SRRM4: variants seen among roughly 807,000 people sequenced by gnomAD.
The protein encoded by SRRM4 is serine/arginine repetitive matrix 4, also known as serine/arginine repetitive matrix protein 4.
A neutral mutation model predicts 68.9 loss-of-function variants in SRRM4; 33 were observed. The ratio of observed to expected loss-of-function variants is 0.48; its 90% CI spans 0.36 to 0.64. The LOEUF is 0.64. Among genes scored for constraint, SRRM4 ranks in the 30% least tolerant of loss-of-function variants. The pLI, the probability that SRRM4 is intolerant of heterozygous loss-of-function variation, is 0.00. For synonymous variants in SRRM4, 318 were observed against 318.8 expected (o/e 1.00, Z 0.03); for missense variants, 817 against 827.1 (o/e 0.99, Z 0.15).
chr12:118,982,037 G>C (rs1412440390), intron 1 of SRRM4, 24 bp downstream of exon 1: 1 of 1,595,584 alleles, frequency 6.3e-7, no homozygotes, highest in Non-Finnish European at 8.5e-7. Flanking sequence ...TCTTAGAAGG[G>C]GGGATCCTGA....
intron 1 of SRRM4, among the ~76,000 whole-genome samples, chr12:118,984,640 T>C (rs1209589272): frequency 6.6e-6 from 1 of 152,232 alleles, no homozygotes; most frequent in Admixed American, 6.5e-5. Flanking sequence ...TTCAATTCAT[T>C]GATTTCATAG....
chr12:118,986,700 G>A (rs1273659014), intron 1 of SRRM4, among the ~76,000 whole-genome samples: 1 of 152,098 alleles, frequency 6.6e-6, no homozygotes, highest in African/African-American at 2.4e-5. Context: ...TAGCCAGTAT[G>A]GGGGCAGGAG....
At position 118,981,824 on chromosome 12, in the gene SRRM4, A is replaced by G. The variant is rs1953248962; in HGVS notation, c.-59A>G. 1 of 1,556,556 alleles carries G rather than the reference A, an allele frequency of 6.4e-7. No homozygotes were observed. Among genetic ancestry groups the G allele is most frequent in the African/African-American group, 1.4e-5 (1 of 72,916 alleles). ...GGAGCTGGGTGTCGCCCCCGTTTGG[A>G]ATCCACGTTTCAGCACTTTGGACAG... On this transcript the variant is annotated 5_prime_UTR_variant, in exon 1 of 13. Transcript: ENST00000267260.
At chr12:119,065,829 A>G (rs187906593) in intron 1 of SRRM4, among the ~76,000 whole-genome samples, 2 of 152,224 alleles carry the variant, frequency 1.3e-5, no homozygotes, top group African/African-American at 2.4e-5. Context: ...GGACAGATAG[A>G]TGGATGAGTG....
intron 3 of SRRM4, among the ~76,000 whole-genome samples, chr12:119,115,885 T>G (rs1954176872): frequency 6.6e-6 from 1 of 152,174 alleles, no homozygotes; most frequent in Non-Finnish European, 1.5e-5. Context: ...GATTTTTTTT[T>G]TAATTGGTGG....
chr12:119,105,910 G>A (rs1160766219), intron 2 of SRRM4, among the ~76,000 whole-genome samples: 2 of 152,142 alleles, frequency 1.3e-5, no homozygotes, highest in Admixed American at 1.3e-4. Context: ...CCTATGTCCT[G>A]AATGGTATTG....
intron 1 of SRRM4, among the ~76,000 whole-genome samples, chr12:119,002,364 G>A (rs1010878286): frequency 6.6e-6 from 1 of 151,904 alleles, no homozygotes; most frequent in Non-Finnish European, 1.5e-5. Flanking sequence ...GTGTTCCATG[G>A]GCTTATCATA....
At chr12:119,082,595 C>T (rs190566229) in intron 1 of SRRM4, among the ~76,000 whole-genome samples, 2 of 152,310 alleles carry the variant, frequency 1.3e-5, no homozygotes, top group Admixed American at 6.5e-5. Context: ...GATTCAGCCC[C>T]GCGGGCGCTG....
In SRRM4 at chr12:119,102,364, G is replaced by A; in HGVS notation, c.260G>A (p.Gly87Asp). ...WERDKTCREL[G>D]ATRGHSASHD... The stretch of plus-strand genomic sequence containing the variant: ...AGAGACAAGACCTGTCGGGAACTGG[G>A]TGCCACCAGAGGACACAGGTGAGAT... Residue 87 changes from glycine to aspartate, a missense_variant, in exon 2 of 13, where the codon GGT becomes GAT. Physicochemically the swap from Gly to Asp is moderately conservative, Grantham distance 94. Coordinates refer to ENST00000267260, the MANE Select transcript of SRRM4 (RefSeq NM_194286.4). 2 of 1,612,792 alleles carry A rather than the reference G, an allele frequency of 1.2e-6. No homozygotes were observed. The highest frequency in any genetic ancestry group is 2.2e-5 in the East Asian group (1 of 44,844).
At chr12:119,041,330 T>G (rs1251227326) in intron 1 of SRRM4, among the ~76,000 whole-genome samples, 1 of 152,190 alleles carries the variant, frequency 6.6e-6, no homozygotes, top group Non-Finnish European at 1.5e-5. Flanking sequence ...CCGCTTAACT[T>G]GTGGATGCCT....
intron 1 of SRRM4, among the ~76,000 whole-genome samples, chr12:119,073,112 C>T (rs1400486354): frequency 1.3e-5 from 2 of 151,418 alleles, no homozygotes; most frequent in East Asian, 1.9e-4. Flanking sequence ...AAATGTGACG[C>T]TCTAAGGAAA....
chr12:118,989,400 G>C (rs566438019), intron 1 of SRRM4, among the ~76,000 whole-genome samples: 3 of 152,076 alleles, frequency 2.0e-5, no homozygotes, highest in Non-Finnish European at 4.4e-5. Flanking sequence ...ACGGTGCAAG[G>C]GTTTGGTCTC....
intron 1 of SRRM4, among the ~76,000 whole-genome samples, chr12:118,998,766 A>G (rs1275955011): frequency 6.6e-6 from 1 of 152,244 alleles, no homozygotes. Context: ...TAGAGAAACA[A>G]TCCCAGAACC....
chr12:119,143,277 G>GTTCTT (rs1181927696), intron 8 of SRRM4, among the ~76,000 whole-genome samples: 1 of 152,194 alleles, frequency 6.6e-6, no homozygotes, highest in African/African-American at 2.4e-5. Flanking sequence ...AGAAATTCCA[G>GTTCTT]AAGTAGAAGT....
At chr12:119,012,876 C>T (rs1002766739) in intron 1 of SRRM4, among the ~76,000 whole-genome samples, 3 of 152,088 alleles carry the variant, frequency 2.0e-5, no homozygotes, top group Non-Finnish European at 4.4e-5. Flanking sequence ...TGACTCCTAC[C>T]CAAGACACAG....
intron 1 of SRRM4, among the ~76,000 whole-genome samples, chr12:119,007,762 G>C (rs1953424609): frequency 6.6e-6 from 1 of 152,104 alleles, no homozygotes; most frequent in South Asian, 2.1e-4. Flanking sequence ...GAGGGAGTGA[G>C]GGTTTAGCAG....
At chr12:119,116,856 AGGACTGG>A in intron 3 of SRRM4, 74 bp from the exon 4 acceptor site, 1 of 1,155,200 alleles carries the variant, frequency 8.7e-7, no homozygotes. Flanking sequence ...ACCCTGTATA[AGGACTGG>A]GGAAGGTTCT....
rs1458766972 is a variant in SRRM4 at position 118,981,626 on chromosome 12, A to G, written c.-257A>G. Reference sequence around the variant, plus strand: ...GCCCTCCCTTCCCTTCTTGGGGCGCAGAGGCTCAGCCAGCTCAGAGCGCAG... The same window carrying G: ...GCCCTCCCTTCCCTTCTTGGGGCGCGGAGGCTCAGCCAGCTCAGAGCGCAG... On this transcript the variant is annotated 5_prime_UTR_variant, in exon 1 of 13. Coordinates refer to ENST00000267260, the MANE Select transcript of SRRM4 (RefSeq NM_194286.4). 2 of 422,202 alleles carry G rather than the reference A, an allele frequency of 4.7e-6. No homozygotes were observed. The highest frequency in any genetic ancestry group is 8.4e-6 in the Non-Finnish European group (2 of 237,574). 26.2% of individuals were successfully genotyped at this position (422,202 alleles called of 1,614,324 possible).
intron 1 of SRRM4, among the ~76,000 whole-genome samples, chr12:119,015,206 G>A (rs1287912662): frequency 2.0e-5 from 3 of 152,234 alleles, no homozygotes; most frequent in East Asian, 3.9e-4. Flanking sequence ...TGCCTCCCCA[G>A]CATGTAATCA....
Sources: gnomAD v4.1 joint callset for allele counts (sites outside exome capture counted in the v4.1 genomes callset) on GRCh38, gnomAD v4.1.1 for gene constraint, MANE v1.5 for transcripts, NCBI Gene and HGNC (gene_info 2026-07-23, HGNC 2026-07-21) for gene names.